Variants in FTO observed in about 807,000 individuals in gnomAD.
FTO encodes the protein FTO alpha-ketoglutarate dependent dioxygenase.
In FTO, 47 loss-of-function variants were observed where a neutral mutation model predicts 63.9. The ratio of observed to expected loss-of-function variants is 0.74; its 90% CI spans 0.58 to 0.94. The LOEUF (loss-of-function observed/expected upper bound fraction) is 0.94. FTO is among the 40% of genes least tolerant of loss of function. The probability of loss-of-function intolerance (pLI) is 0.00; values close to 1 mark genes in which losing one functional copy is unlikely to be tolerated. For missense variants in FTO, 562 were observed against 618.1 expected (o/e 0.91, Z 0.96); for synonymous variants, 207 against 224.4 (o/e 0.92, Z 0.69).
intron 1 of FTO, among the ~76,000 whole-genome samples, chr16:53,759,018 G>A (rs1390394982): frequency 1.3e-5 from 2 of 152,288 alleles, no homozygotes; most frequent in African/African-American, 2.4e-5. Flanking sequence ...GGATAGAGTC[G>A]TGTGGGAGAT....
At chr16:53,815,650 T>C (rs1351605190) in intron 2 of FTO, among the ~76,000 whole-genome samples, 34 of 43,140 alleles carry the variant, frequency 7.9e-4, no homozygotes, top group African/African-American at 1.5e-3. Context: ...TTTTTTTTTT[T>C]TTTTTTTTTT....
At chr16:53,725,413 G>A (rs1314205751) in intron 1 of FTO, among the ~76,000 whole-genome samples, 2 of 152,160 alleles carry the variant, frequency 1.3e-5, no homozygotes, top group South Asian at 2.1e-4. Context: ...GCATTATTTG[G>A]TCAGCTATCC....
rs1032729398 is a variant in FTO at position 53,774,047 on chromosome 16, T to C, written c.46-36093T>C. ...AATTCTTTGTGGTTTTTACAAGCCC[T>C]CTTAGGCTCCTAATATTTCTATAGC... On this transcript the variant is annotated intron_variant, in intron 1 of 8. Transcript: ENST00000471389. 3.9e-5 allele frequency among the ~76,000 whole-genome samples: 6 copies of C among 152,270 alleles called. No individual in the cohort carries two copies. The East Asian group carries it at 1.2e-3, about 29-fold the overall frequency.
chr16:53,736,719 C>T (rs547302215), intron 1 of FTO, among the ~76,000 whole-genome samples: 59 of 152,224 alleles, frequency 3.9e-4, no homozygotes, highest in Non-Finnish European at 2.2e-4. Flanking sequence ...GACTTTGATT[C>T]AATGTAGGTC....
intron 1 of FTO, among the ~76,000 whole-genome samples, chr16:53,771,229 C>T (rs2077328590): frequency 6.6e-6 from 1 of 152,162 alleles, no homozygotes; most frequent in African/African-American, 2.4e-5. Flanking sequence ...CTCCTATAGT[C>T]ATCTCCATCT....
chr16:53,814,665 CA>C (rs1446288881), intron 2 of FTO: 1 of 152,484 alleles, frequency 6.6e-6, no homozygotes, highest in Non-Finnish European at 1.5e-5. Context: ...GCTCTTGTCT[CA>C]AAGGTTCCAG....
chr16:53,981,634 G>A (rs146126135), intron 8 of FTO: 1,730 of 152,346 alleles, frequency 0.011, 21 homozygotes, highest in Non-Finnish European at 0.019. Context: ...TTAGGTCCGG[G>A]TGCGGTGGCT....
chr16:53,878,935 C>T (rs575978270), intron 5 of FTO, among the ~76,000 whole-genome samples: 8 of 152,362 alleles, frequency 5.3e-5, no homozygotes, highest in African/African-American at 1.9e-4. Context: ...CTGCCAAGGA[C>T]TGCCACTGCC....
chr16:54,102,888 T>C (rs917521641), intron 8 of FTO, among the ~76,000 whole-genome samples: 1 of 152,012 alleles, frequency 6.6e-6, no homozygotes, highest in African/African-American at 2.4e-5. Flanking sequence ...CATGGTGGCT[T>C]ATGCTTGTAA....
chr16:54,103,127 T>C (rs1382832119), intron 8 of FTO, among the ~76,000 whole-genome samples: 1 of 151,956 alleles, frequency 6.6e-6, no homozygotes, highest in Non-Finnish European at 1.5e-5. Context: ...CCAGCCTGGG[T>C]GATGGAGTGA....
At chr16:53,928,925 C>A (rs1338896947) in intron 7 of FTO, among the ~76,000 whole-genome samples, 1 of 151,984 alleles carries the variant, frequency 6.6e-6, no homozygotes, top group Non-Finnish European at 1.5e-5. Flanking sequence ...CTCACTACAA[C>A]CTATGCCTCC....
At chr16:53,835,998 C>G (rs2079280662) in intron 3 of FTO, among the ~76,000 whole-genome samples, 1 of 150,494 alleles carries the variant, frequency 6.6e-6, no homozygotes. Context: ...TCAAGTGATT[C>G]TTCTGCCACA....
intron 3 of FTO, among the ~76,000 whole-genome samples, chr16:53,842,007 G>A (rs1429391767): frequency 6.6e-6 from 1 of 152,124 alleles, no homozygotes; most frequent in Non-Finnish European, 1.5e-5. Context: ...ATGTCCTTTG[G>A]TTGTAAATTT....
chr16:53,979,151 C>A (rs893455044), intron 8 of FTO, among the ~76,000 whole-genome samples: 4 of 152,026 alleles, frequency 2.6e-5, no homozygotes, highest in South Asian at 2.1e-4. Flanking sequence ...TCAATATATA[C>A]AATCATTTAT....
chr16:53,862,931 A>T (rs1306260095), intron 4 of FTO, among the ~76,000 whole-genome samples: 1 of 152,090 alleles, frequency 6.6e-6, no homozygotes, highest in Non-Finnish European at 1.5e-5. Context: ...TCCATCACTC[A>T]TTTCTTGTAT....
In FTO at chr16:53,728,162, C is replaced by T. The variant is rs2076193405; in HGVS notation, c.45+23933C>T. Among the ~76,000 whole-genome samples, 3 of 151,916 alleles carry T rather than the reference C, an allele frequency of 2.0e-5. No homozygotes were observed. The South Asian group carries it at 6.2e-4, about 32-fold the overall frequency. On this transcript the variant is annotated intron_variant, in intron 1 of 8. Coordinates refer to ENST00000471389, the MANE Select transcript of FTO (RefSeq NM_001080432.3). ...GCTGAGGCAGGGGGATCCCTTGAGCCCAGGAGTTTGAGGTTACAGTGAGCT... is the reference window on the plus strand; with the variant it reads ...GCTGAGGCAGGGGGATCCCTTGAGCTCAGGAGTTTGAGGTTACAGTGAGCT...
intron 8 of FTO, among the ~76,000 whole-genome samples, chr16:53,961,269 C>T (rs1478420015): frequency 1.3e-5 from 2 of 152,106 alleles, no homozygotes; most frequent in African/African-American, 2.4e-5. Context: ...ATTAAACTGT[C>T]GCAGGCTGCC....
At chr16:53,815,327 A>G (rs1470372735) in intron 2 of FTO, among the ~76,000 whole-genome samples, 1 of 152,032 alleles carries the variant, frequency 6.6e-6, no homozygotes, top group Non-Finnish European at 1.5e-5. Flanking sequence ...ACCACCCTCA[A>G]CTTCTATCCA....
At chr16:53,819,171 T>G (rs918636068) in intron 2 of FTO, among the ~76,000 whole-genome samples, 3 of 151,808 alleles carry the variant, frequency 2.0e-5, no homozygotes, top group Admixed American at 1.3e-4. Flanking sequence ...TTTTCCAACT[T>G]TGATACAGTT....
Sources: gnomAD v4.1 joint callset for allele counts (sites outside exome capture counted in the v4.1 genomes callset) on GRCh38, gnomAD v4.1.1 for gene constraint, MANE v1.5 for transcripts, NCBI Gene and HGNC (gene_info 2026-07-23, HGNC 2026-07-21) for gene names.